Variants in PCDH10 observed in about 807,000 individuals in gnomAD.
The protein encoded by PCDH10 is protocadherin-10.
A neutral mutation model predicts 74.4 loss-of-function variants in PCDH10; 15 were observed. That is an observed-to-expected ratio of 0.20 (90% CI 0.13 to 0.31). The LOEUF (loss-of-function observed/expected upper bound fraction) is 0.31. PCDH10 is among the 10% of genes least tolerant of loss of function. PCDH10 has a pLI of 1.00. For missense variants in PCDH10, 1,260 were observed against 1,390.2 expected, an observed-to-expected ratio of 0.91 and a Z score of 1.49; for synonymous variants, 619 against 589.8, an observed-to-expected ratio of 1.05 and a Z score of -0.72.
chr4:133,171,239 T>C (rs1246775065), intron 4 of PCDH10, among the ~76,000 whole-genome samples: 1 of 152,136 alleles, frequency 6.6e-6, no homozygotes, highest in African/African-American at 2.4e-5. Context: ...ACTAGAAAAT[T>C]AGCTTTAATT....
intron 4 of PCDH10, among the ~76,000 whole-genome samples, chr4:133,182,574 T>C (rs1434796831): frequency 2.6e-5 from 4 of 152,080 alleles, no homozygotes; most frequent in African/African-American, 9.6e-5. Flanking sequence ...AATCACAATT[T>C]CCATATTTTA....
At chr4:133,169,181 T>C (rs1396720091) in intron 4 of PCDH10, among the ~76,000 whole-genome samples, 1 of 151,792 alleles carries the variant, frequency 6.6e-6, no homozygotes, top group Non-Finnish European at 1.5e-5. Context: ...CAGCTTAATA[T>C]GTTAGCTCTC....
intron 2 of PCDH10, among the ~76,000 whole-genome samples, chr4:133,204,358 G>A (rs141981338): frequency 6.6e-6 from 1 of 152,228 alleles, no homozygotes; most frequent in South Asian, 2.1e-4. Context: ...GCTAGTGAAG[G>A]TCACTACGTT....
chr4:133,164,163 T>C, intron 4 of PCDH10: 1 of 328,088 alleles, frequency 3.0e-6, no homozygotes, highest in African/African-American at 2.2e-5. Context: ...CAAAAAATCA[T>C]TTGTTTTGCT....
downstream of PCDH10, chr4:133,194,830 G>A (rs947292326): frequency 6.6e-6 from 1 of 151,932 alleles, no homozygotes; most frequent in Non-Finnish European, 1.5e-5. Flanking sequence ...AGCTTTGAAA[G>A]TAGACATTTA....
chr4:133,177,725 T>A (rs972629069), intron 4 of PCDH10, among the ~76,000 whole-genome samples: 4 of 152,170 alleles, frequency 2.6e-5, no homozygotes, highest in Non-Finnish European at 5.9e-5. Context: ...TTTAATCTAA[T>A]ATGCTTGTGA....
rs1727729172 is a variant in PCDH10, at chr4:133,193,659, A to T, written c.*3499A>T. ...AGAAAAGTATTTAAGTTATTGACTG[A>T]TCATAGCACTGTTATTTGTCATTGC... On this transcript the variant is annotated 3_prime_UTR_variant, in exon 5 of 5. Coordinates refer to ENST00000264360, the MANE Select transcript of PCDH10 (RefSeq NM_032961.3). The T allele has an allele frequency of 6.6e-6, 1 of 151,696 alleles. No homozygotes were observed. The highest frequency in any genetic ancestry group is 2.4e-5 in the African/African-American group (1 of 41,424). 9.4% of individuals were successfully genotyped at this position (151,696 alleles called of 1,614,324 possible). A position where few individuals can be genotyped will look rare whatever the true frequency, so the allele number is the denominator to read the frequency against.
chr4:133,154,459 T>C (rs1261921179), intron 2 of PCDH10, 94 bp downstream of exon 2: 4 of 680,992 alleles, frequency 5.9e-6, no homozygotes, highest in Non-Finnish European at 9.9e-6. Flanking sequence ...AATTGAAATG[T>C]ATAAAATATT....
At chr4:133,201,006 A>G (rs984826376) in intron 2 of PCDH10, among the ~76,000 whole-genome samples, 3 of 152,188 alleles carry the variant, frequency 2.0e-5, no homozygotes, top group African/African-American at 7.2e-5. Flanking sequence ...TTGTTCTTTT[A>G]TGGATTTATA....
rs530380892 is a variant in PCDH10, at chr4:133,203,579, G to C, written n.438-4497G>C. ...CAGACAACATTTTGGCACAATGGAA[G>C]TGTTCTGGGGTCATGACCCAGAGGT... On this transcript the variant is annotated intron_variant and non_coding_transcript_variant, in intron 2 of 2. Transcript: ENST00000511112. Among the ~76,000 whole-genome samples the C allele has an allele frequency of 1.4e-4, 22 of 152,306 alleles. No individual in the cohort carries two copies. In the East Asian group the frequency reaches 4.1e-3, roughly 28 times the overall value.
At position 133,150,073 on chromosome 4, in the gene PCDH10, T is replaced by C. The variant is rs1049990941; in HGVS notation, c.-68T>C. ...GTATTTTTTCAGATTTTTTTTTGTT[T>C]CGTGGTGGTGGGGGAGGTGATTGGG... is the stretch of plus-strand genomic sequence containing the variant. On this transcript the variant is annotated 5_prime_UTR_variant, in exon 1 of 5. Coordinates refer to ENST00000264360, the MANE Select transcript of PCDH10 (RefSeq NM_032961.3). 4.9e-6 allele frequency: 7 copies of C among 1,439,470 alleles called. No homozygotes were observed. In the Admixed American group the frequency reaches 1.8e-4, roughly 37 times the overall value. 89.2% of individuals were successfully genotyped at this position (1,439,470 alleles called of 1,614,324 possible). A position where few individuals can be genotyped will look rare whatever the true frequency, so the allele number is the denominator to read the frequency against.
intron 4 of PCDH10, among the ~76,000 whole-genome samples, chr4:133,176,906 T>G (rs541950195): frequency 6.6e-6 from 1 of 152,180 alleles, no homozygotes; most frequent in South Asian, 2.1e-4. Flanking sequence ...AGATTTTTAT[T>G]TCAGTATAGG....
At position 133,208,558 on chromosome 4, in the gene PCDH10, G is replaced by A. The variant is rs563065254; in HGVS notation, n.920G>A. ...AAAAAATCATCCCCACTATTTTTGG[G>A]ATTGATCTACTGGCTTAAAAAAAAT... On this transcript the variant is annotated non_coding_transcript_exon_variant, in exon 3 of 3. Transcript: ENST00000511112. 4 of 152,078 alleles carry A rather than the reference G, an allele frequency of 2.6e-5. No homozygotes were observed. In the South Asian group the frequency reaches 8.3e-4, roughly 32 times the overall value. 9.4% of individuals were successfully genotyped at this position (152,078 alleles called of 1,614,324 possible).
rs1437195897 is a variant in PCDH10 at position 133,191,508 on chromosome 4, G to C, written c.*1348G>C. 2.6e-5 allele frequency: 4 copies of C among 152,188 alleles called. No individual in the cohort carries two copies. The East Asian group carries it at 7.8e-4, about 30-fold the overall frequency. 9.4% of individuals were successfully genotyped at this position (152,188 alleles called of 1,614,324 possible). A position where few individuals can be genotyped will look rare whatever the true frequency, so the allele number is the denominator to read the frequency against. On this transcript the variant is annotated 3_prime_UTR_variant, in exon 5 of 5. Coordinates refer to ENST00000264360, the MANE Select transcript of PCDH10 (RefSeq NM_032961.3). ...TAATGAAAAAATTCTTCATGAGTCA[G>C]CCTTCAAAAGTTAAGCTTGCCTTTT...
chr4:133,204,359 T>C (rs996423678), intron 2 of PCDH10, among the ~76,000 whole-genome samples: 1 of 152,106 alleles, frequency 6.6e-6, no homozygotes, highest in African/African-American at 2.4e-5. Flanking sequence ...CTAGTGAAGG[T>C]CACTACGTTA....
chr4:133,150,343 T>G lies in PCDH10; in HGVS notation c.203T>G (p.Leu68Arg), dbSNP rs199575594. Reference sequence around the variant, plus strand: ...AGGACCCCTTACTTAGACCTCAACCTGGAGACAGGGGTGCTGTACGTGAAC... The same window carrying G: ...AGGACCCCTTACTTAGACCTCAACCGGGAGACAGGGGTGCTGTACGTGAAC... ...NSRTPYLDLN[L>R]ETGVLYVNEK... Residue 68 changes from leucine to arginine, a missense_variant, in exon 1 of 5, where the codon CTG becomes CGG. Coordinates refer to ENST00000264360, the MANE Select transcript of PCDH10 (RefSeq NM_032961.3). 5.0e-6 allele frequency: 8 copies of G among 1,613,734 alleles called. No individual in the cohort carries two copies. In the African/African-American group the frequency reaches 9.3e-5, roughly 19 times the overall value.
At chr4:133,186,408 T>A (rs1560714799) in intron 4 of PCDH10, among the ~76,000 whole-genome samples, 1 of 152,056 alleles carries the variant, frequency 6.6e-6, no homozygotes, top group Admixed American at 6.6e-5. Context: ...ATTCCCTACA[T>A]GCTGATGCAT....
At chr4:133,161,972 A>C (rs1726979479) in intron 3 of PCDH10, among the ~76,000 whole-genome samples, 1 of 152,138 alleles carries the variant, frequency 6.6e-6, no homozygotes, top group South Asian at 2.1e-4. Flanking sequence ...CAGCATTAAT[A>C]TCAAATAGTA....
At chr4:133,182,254 A>G (rs1727432393) in intron 4 of PCDH10, among the ~76,000 whole-genome samples, 1 of 152,020 alleles carries the variant, frequency 6.6e-6, no homozygotes, top group East Asian at 1.9e-4. Context: ...GCTAGTTTCA[A>G]CCTCACAGGA....
Sources: gnomAD v4.1 joint callset for allele counts (sites outside exome capture counted in the v4.1 genomes callset) on GRCh38, gnomAD v4.1.1 for gene constraint, MANE v1.5 for transcripts, NCBI Gene and HGNC (gene_info 2026-07-23, HGNC 2026-07-21) for gene names.